Variants in DCC observed in about 807,000 individuals in gnomAD.
DCC encodes the protein DCC netrin 1 receptor.
In DCC, 58 loss-of-function variants were observed where a neutral mutation model predicts 172.5. The ratio of observed to expected loss-of-function variants is 0.34; its 90% confidence interval spans 0.27 to 0.42. DCC has a LOEUF of 0.42. Among genes scored for constraint, DCC ranks in the 10% least tolerant of loss-of-function variants. DCC has a pLI of 1.00. For synonymous variants in DCC, 709 were observed against 644.5 expected (o/e 1.10, Z -1.52); for missense variants, 1,740 against 1,791.0 (o/e 0.97, Z 0.51).
At chr18:52,892,420 G>A (rs951521023) in intron 2 of DCC, 5 of 152,082 alleles carry the variant, frequency 3.3e-5, no homozygotes, top group Admixed American at 2.6e-4. Context: ...TAGGTGTCAT[G>A]TGATATAACT....
intron 1 of DCC, among the ~76,000 whole-genome samples, chr18:52,595,480 G>A (rs1393968646): frequency 6.6e-6 from 1 of 152,056 alleles, no homozygotes; most frequent in Non-Finnish European, 1.5e-5. Flanking sequence ...TTTTTAAACT[G>A]AACTTGCTCA....
At chr18:53,174,363 AC>A (rs1293035664) in intron 8 of DCC, among the ~76,000 whole-genome samples, 2 of 151,554 alleles carry the variant, frequency 1.3e-5, no homozygotes, top group African/African-American at 4.9e-5. Context: ...GACACAAAAA[AC>A]CCTTCAAAAA....
intron 15 of DCC, among the ~76,000 whole-genome samples, chr18:53,344,813 G>A (rs2057704749): frequency 2.0e-5 from 3 of 150,934 alleles, no homozygotes; most frequent in African/African-American, 4.9e-5. Flanking sequence ...ATTGCATATT[G>A]CAGTGAGGTT....
chr18:53,216,014 G>A (rs12964204), intron 12 of DCC, among the ~76,000 whole-genome samples: 28,455 of 151,998 alleles, frequency 0.19, 3,710 homozygotes, highest in African/African-American at 0.38. Flanking sequence ...TGAATATTTC[G>A]TCATCATCCC....
At chr18:52,544,172 T>C (rs949093112) in intron 1 of DCC, among the ~76,000 whole-genome samples, 1 of 152,192 alleles carries the variant, frequency 6.6e-6, no homozygotes, top group African/African-American at 2.4e-5. Context: ...AAAATAGCTT[T>C]CATGAATGTG....
chr18:53,483,550 C>G (rs377156089), intron 25 of DCC, among the ~76,000 whole-genome samples: 6 of 151,990 alleles, frequency 3.9e-5, no homozygotes, highest in African/African-American at 1.4e-4. Context: ...GTTAACACCA[C>G]TCATTTTTCT....
chr18:53,465,483 T>TCTCA (rs1463986378), intron 24 of DCC, among the ~76,000 whole-genome samples: 1 of 152,202 alleles, frequency 6.6e-6, no homozygotes, highest in African/African-American at 2.4e-5. Flanking sequence ...GTTGTTTACC[T>TCTCA]CTCACTACTT....
At chr18:52,733,387 C>A (rs574469445) in intron 1 of DCC, among the ~76,000 whole-genome samples, 76 of 152,300 alleles carry the variant, frequency 5.0e-4, no homozygotes, top group Non-Finnish European at 1.0e-3. Context: ...AGACCCATCA[C>A]ATTTTTGATC....
At chr18:52,454,194 A>G (rs1180692671) in intron 1 of DCC, among the ~76,000 whole-genome samples, 3 of 152,194 alleles carry the variant, frequency 2.0e-5, no homozygotes, top group East Asian at 3.9e-4. Context: ...TACATATACA[A>G]TATCTTGGAA....
intron 12 of DCC, among the ~76,000 whole-genome samples, chr18:53,263,385 C>T (rs1313711531): frequency 6.6e-6 from 1 of 152,154 alleles, no homozygotes; most frequent in Non-Finnish European, 1.5e-5. Flanking sequence ...CTCCTGACCT[C>T]AAGTAATCCT....
intron 7 of DCC, among the ~76,000 whole-genome samples, chr18:53,114,279 A>G (rs2043378838): frequency 6.6e-6 from 1 of 151,040 alleles, no homozygotes; most frequent in Non-Finnish European, 1.5e-5. Context: ...ATGTCTTAAA[A>G]AGTAATGTCA....
intron 2 of DCC, among the ~76,000 whole-genome samples, chr18:52,873,934 G>T (rs979863321): frequency 6.6e-6 from 1 of 152,190 alleles, no homozygotes; most frequent in Non-Finnish European, 1.5e-5. Flanking sequence ...AGAAAGGAAG[G>T]TGTAAGGATT....
intron 1 of DCC, among the ~76,000 whole-genome samples, chr18:52,507,957 C>T (rs780104866): frequency 1.3e-4 from 20 of 152,040 alleles, no homozygotes; most frequent in South Asian, 8.3e-4. Context: ...AAAAATTAGC[C>T]GTGCATGGTG....
At position 53,099,939 on chromosome 18, in the gene DCC, C is replaced by CTTTTTTTTTTTTTTTTTTTTTTTT. The variant is rs200213348; in HGVS notation, c.1261+33776_1261+33777insTTTTTTTTTTTTTTTTTTTTTTTT. 3.6e-4 allele frequency among the ~76,000 whole-genome samples: 31 copies of CTTTTTTTTTTTTTTTTTTTTTTTT among 87,172 alleles called. 4 individuals carry two copies. Among genetic ancestry groups the CTTTTTTTTTTTTTTTTTTTTTTTT allele is most frequent in the African/African-American group, 8.5e-4 (16 of 18,840 alleles). The allele number at this position is 87,172 out of a possible 152,430, so 57.2% of individuals were successfully genotyped here. ...AAGAGACTTTTCTTTTCTTTTCTTT[C>CTTTTTTTTTTTTTTTTTTTTTTTT]TTTCTTTTTTTTTTTTTTTTTGTTT... On this transcript the variant is annotated intron_variant, in intron 7 of 28. Coordinates refer to ENST00000442544, the MANE Select transcript of DCC (RefSeq NM_005215.4).
At chr18:52,777,442 C>T (rs894747003) in intron 2 of DCC, among the ~76,000 whole-genome samples, 10 of 152,016 alleles carry the variant, frequency 6.6e-5, no homozygotes, top group African/African-American at 2.4e-4. Flanking sequence ...GTCTTCCCCT[C>T]TGTATGTCCA....
At chr18:52,871,328 T>C (rs1045448173) in intron 2 of DCC, among the ~76,000 whole-genome samples, 9 of 152,044 alleles carry the variant, frequency 5.9e-5, no homozygotes, top group Non-Finnish European at 1.0e-4. Context: ...GTGTCTTTTT[T>C]TTTTTTGGCT....
At chr18:52,908,865 C>CT (rs1200273292) in intron 3 of DCC, among the ~76,000 whole-genome samples, 1 of 152,018 alleles carries the variant, frequency 6.6e-6, no homozygotes, top group African/African-American at 2.4e-5. Context: ...CAAATATAAA[C>CT]TTTAGAAAAA....
chr18:53,031,667 A>G (rs1234931110), intron 5 of DCC, among the ~76,000 whole-genome samples: 2 of 152,136 alleles, frequency 1.3e-5, no homozygotes, highest in African/African-American at 2.4e-5. Flanking sequence ...AATAAATATA[A>G]TATTAGGGTT....
At chr18:52,536,703 T>G (rs1308431089) in intron 1 of DCC, among the ~76,000 whole-genome samples, 1 of 152,140 alleles carries the variant, frequency 6.6e-6, no homozygotes, top group Non-Finnish European at 1.5e-5. Context: ...ATTCCATCTA[T>G]CCCCTAGGAC....
Sources: allele counts gnomAD v4.1 joint callset (sites outside exome capture counted in the v4.1 genomes callset), GRCh38; gene constraint gnomAD v4.1.1; transcripts MANE v1.5; gene names NCBI Gene and HGNC (gene_info 2026-07-23, HGNC 2026-07-21).